The following BDP1 variants were observed in gnomAD, a reference collection of about 807,000 sequenced individuals.
BDP1 encodes the protein BDP1 general transcription factor IIIB subunit, also known as transcription factor TFIIIB component B'' homolog.
Under a neutral mutation model 266.6 loss-of-function variants are expected in BDP1, and 169 were observed. The observed-to-expected ratio is 0.63, with a 90% CI of 0.56 to 0.72. BDP1 has a LOEUF of 0.72. BDP1 is among the 30% of genes least tolerant of loss of function. The pLI, the probability that BDP1 is intolerant of heterozygous loss-of-function variation, is 0.00. For synonymous variants in BDP1, 1,090 were observed against 1,022.4 expected (o/e 1.07, Z -1.26); for missense variants, 3,015 against 3,053.8 (o/e 0.99, Z 0.30).
chr5:71,553,408 C>T, intron 35 of BDP1, 88 bp downstream of exon 35: 1 of 838,930 alleles, frequency 1.2e-6, no homozygotes. Flanking sequence ...TTCCTTTATT[C>T]TCTTTAAACT....
chr5:71,476,983 C>T (rs370652946), intron 7 of BDP1, among the ~76,000 whole-genome samples: 22 of 151,726 alleles, frequency 1.4e-4, no homozygotes, highest in African/African-American at 9.7e-5. Flanking sequence ...GAATTACAGG[C>T]GTGAGCCATC....
chr5:71,471,849 A>G (rs1046501481), intron 7 of BDP1, among the ~76,000 whole-genome samples: 3 of 152,236 alleles, frequency 2.0e-5, no homozygotes, highest in African/African-American at 7.2e-5. Flanking sequence ...TTTTTCCACT[A>G]GAACTAAATT....
chr5:71,553,132 A>G lies in BDP1; in HGVS notation c.7012A>G (p.Thr2338Ala). ...TCTATGCAGTATTTGTTTACCAGCAACTTCAGTTGGTCAAGATGCCATGGG... is the reference window on the plus strand; with the variant it reads ...TCTATGCAGTATTTGTTTACCAGCAGCTTCAGTTGGTCAAGATGCCATGGG... The part of the protein sequence containing the change: ...RGDMSICLPA[T>A]SVGQDAMGLS... The change falls in exon 35 of 39, where the codon ACT becomes GCT. Residue 2338 changes from threonine to alanine, a missense_variant. Physicochemically the swap from Thr to Ala is moderately conservative, Grantham distance 58. Coordinates refer to ENST00000358731, the MANE Select transcript of BDP1 (RefSeq NM_018429.3). 6.2e-7 allele frequency: 1 copy of G among 1,611,876 alleles called. No homozygotes were observed. Among genetic ancestry groups the G allele is most frequent in the South Asian group, 1.1e-5 (1 of 90,912 alleles).
intron 10 of BDP1, among the ~76,000 whole-genome samples, chr5:71,490,060 C>G (rs1436947043): frequency 6.6e-6 from 1 of 152,174 alleles, no homozygotes; most frequent in Non-Finnish European, 1.5e-5. Context: ...GGGTTAGTTC[C>G]TATAAAAGAA....
At chr5:71,522,609 A>G in intron 23 of BDP1, 119 bp downstream of exon 23, 1 of 1,168,642 alleles carries the variant, frequency 8.6e-7, no homozygotes, top group Non-Finnish European at 1.2e-6. Flanking sequence ...CATTTTCATG[A>G]AAAGTGACTT....
At chr5:71,470,015 A>G (rs189387836) in intron 6 of BDP1, among the ~76,000 whole-genome samples, 24 of 149,802 alleles carry the variant, frequency 1.6e-4, no homozygotes, top group South Asian at 6.3e-4. Flanking sequence ...CTAATTTTGT[A>G]TTTTTAGTAG....
intron 37 of BDP1, among the ~76,000 whole-genome samples, chr5:71,560,691 A>G (rs1024194288): frequency 7.2e-5 from 11 of 152,282 alleles, no homozygotes; most frequent in African/African-American, 1.9e-4. Context: ...GCAAGAGCCA[A>G]CTTCTCTCAC....
At chr5:71,474,354 G>A (rs1762457799) in intron 7 of BDP1, among the ~76,000 whole-genome samples, 1 of 148,326 alleles carries the variant, frequency 6.7e-6, no homozygotes, top group African/African-American at 2.5e-5. Context: ...AGACAGTCTT[G>A]CTCTGTTGTC....
intron 16 of BDP1, among the ~76,000 whole-genome samples, chr5:71,506,264 T>A (rs1410763965): frequency 6.6e-6 from 1 of 152,178 alleles, no homozygotes; most frequent in Non-Finnish European, 1.5e-5. Flanking sequence ...TCAACAACTT[T>A]CCTCTCCATG....
At chr5:71,552,221 G>T (rs1173911144) in intron 34 of BDP1, among the ~76,000 whole-genome samples, 14 of 151,622 alleles carry the variant, frequency 9.2e-5, no homozygotes, top group Non-Finnish European at 1.6e-4. Context: ...CATCCCAGAC[G>T]GGGCGGCGGG....
Position 71,498,179 on chromosome 5 carries a change from T to C in BDP1, c.1956+753T>C, listed in dbSNP as rs111516231. On this transcript the variant is annotated intron_variant, in intron 13 of 38. Transcript: ENST00000358731. The stretch of plus-strand genomic sequence containing the variant: ...GTTAGCCAGGATGGTCTCTGTCTCC[T>C]GACCTCGTGATCTGCCTGCTTTGGC... Among the ~76,000 whole-genome samples, 797 of 152,270 alleles carry C rather than the reference T, an allele frequency of 5.2e-3. 10 individuals are homozygous for C. The highest frequency in any genetic ancestry group is 0.018 in the African/African-American group (745 of 41,576).
Position 71,524,096 on chromosome 5 carries a change from G to A in BDP1, c.5545G>A (p.Val1849Ile), listed in dbSNP as rs762712473. The A allele has an allele frequency of 1.2e-6, 2 of 1,614,192 alleles. No individual in the cohort carries two copies. The highest frequency in any genetic ancestry group is 1.7e-5 in the Admixed American group (1 of 60,028). Residue 1849 changes from valine to isoleucine, a missense_variant, in exon 25 of 39, where the codon GTT becomes ATT. Physicochemically the swap from Val to Ile is conservative, Grantham distance 29 (BLOSUM62 3). This residue lies in a region of BDP1 where 2,383 missense variants were observed against 2,404.9 expected (regional missense o/e 0.99). Transcript: ENST00000358731. ...CACCAGAGGTCGTGGATCAAAACGA[G>A]TTCGGGGTAAGACCTCTAAGAAGGA... ...NVTRGRGSKR[V>I]RGKTSKKEPR...
intron 21 of BDP1, 142 bp downstream of exon 21, chr5:71,516,413 C>T (rs1004905215): frequency 4.9e-6 from 3 of 608,166 alleles, no homozygotes; most frequent in South Asian, 2.9e-5. Context: ...TTCAGATTTG[C>T]TCTTCTGGAT....
chr5:71,563,739 C>T (rs551555057), intron 38 of BDP1, among the ~76,000 whole-genome samples: 1 of 152,236 alleles, frequency 6.6e-6, no homozygotes, highest in South Asian at 2.1e-4. Context: ...ATGGCAAAAC[C>T]CCATCTCTAC....
chr5:71,465,949 T>C (rs529660125), intron 4 of BDP1, 147 bp from the exon 5 acceptor site: 1 of 749,282 alleles, frequency 1.3e-6, no homozygotes, highest in African/African-American at 1.8e-5. Context: ...AATTGCGTCC[T>C]TAATAACACA....
At chr5:71,506,175 G>A (rs1349057320) in intron 16 of BDP1, among the ~76,000 whole-genome samples, 3 of 152,060 alleles carry the variant, frequency 2.0e-5, no homozygotes, top group Non-Finnish European at 4.4e-5. Context: ...ACTGTGGCTT[G>A]GTAGAAAATT....
rs559978055 is a variant in BDP1 at position 71,528,500 on chromosome 5, A to G, written c.5773-3808A>G. On this transcript the variant is annotated intron_variant, in intron 25 of 38. Coordinates refer to ENST00000358731, the MANE Select transcript of BDP1 (RefSeq NM_018429.3). ...TTGAAATGAATCAGAGTTAACTAAG[A>G]TAGTGGCAACAATAAAAGAAGCAGT... Among the ~76,000 whole-genome samples the G allele has an allele frequency of 5.1e-4, 77 of 152,342 alleles. 1 individual carries two copies. The South Asian group carries it at 0.015, about 29-fold the overall frequency.
intron 37 of BDP1, among the ~76,000 whole-genome samples, chr5:71,561,550 G>T (rs1177476071): frequency 1.3e-5 from 2 of 152,192 alleles, no homozygotes; most frequent in Non-Finnish European, 2.9e-5. Context: ...TCTGTTAACA[G>T]CTATTCAGCT....
intron 2 of BDP1, among the ~76,000 whole-genome samples, chr5:71,460,631 T>G (rs1761493386): frequency 6.6e-6 from 1 of 152,186 alleles, no homozygotes; most frequent in South Asian, 2.1e-4. Context: ...CAACAATTGC[T>G]TGAACCTGGA....
Sources: allele counts gnomAD v4.1 joint callset (sites outside exome capture counted in the v4.1 genomes callset), GRCh38; gene constraint gnomAD v4.1.1; regional missense constraint gnomAD v4.1.1; transcripts MANE v1.5; gene names NCBI Gene and HGNC (gene_info 2026-07-23, HGNC 2026-07-21).